ASH1L: variants seen among roughly 807,000 people sequenced by gnomAD.
ASH1L encodes the protein histone-lysine N-methyltransferase ASH1L.
ASH1L carries 23 observed loss-of-function variants against 269.0 expected under a neutral mutation model. The ratio of observed to expected loss-of-function variants is 0.09; its 90% CI spans 0.06 to 0.12. The LOEUF (loss-of-function observed/expected upper bound fraction) is 0.12, where lower values mean the gene tolerates loss of function less well. ASH1L is among the 10% of genes least tolerant of loss of function. The probability of loss-of-function intolerance (pLI) is 1.00; values close to 1 mark genes in which losing one functional copy is unlikely to be tolerated. For synonymous variants in ASH1L, 1,187 were observed against 1,253.5 expected, an observed-to-expected ratio of 0.95 and a Z score of 1.12; for missense variants, 2,912 against 3,567.8, an observed-to-expected ratio of 0.82 and a Z score of 4.68.
chr1:155,350,282 A>G (rs1316488870), intron 17 of ASH1L, among the ~76,000 whole-genome samples: 2 of 152,164 alleles, frequency 1.3e-5, no homozygotes, highest in African/African-American at 2.4e-5. Flanking sequence ...TCGGCCTCCC[A>G]AAGTGCTGGG....
At chr1:155,415,652 C>T in intron 6 of ASH1L, 92 bp downstream of exon 6, 3 of 1,418,748 alleles carry the variant, frequency 2.1e-6, no homozygotes, top group South Asian at 2.6e-5. Context: ...GCTTATGAAA[C>T]ACAAAAGAAT....
chr1:155,339,332 C>T lies in ASH1L; in HGVS notation c.8497G>A (p.Gly2833Arg). Residue 2833 changes from glycine (G) to arginine (R), a missense_variant, in exon 26 of 28, where the codon GGA (glycine) becomes AGA (arginine). Around this residue, in one of 13 missense-constraint regions of ASH1L, gnomAD observed 154 missense variants for 165.0 expected, o/e 0.93. Coordinates refer to ENST00000392403, the MANE Select transcript of ASH1L (RefSeq NM_018489.3). Reference protein sequence around the residue: ...YVPDNYKRNGGRSSWKSERSK... With the variant: ...YVPDNYKRNGRRSSWKSERSK... Reference sequence around the variant, plus strand: ...ATATCCCCCCATGGGACTTACCGTCCTCCATTCCTCTTGTAGTTGTCTGGG... The same window carrying T: ...ATATCCCCCCATGGGACTTACCGTCTTCCATTCCTCTTGTAGTTGTCTGGG... 6.2e-7 allele frequency: 1 copy of T among 1,613,542 alleles called. No homozygotes were observed. Among genetic ancestry groups the T allele is most frequent in the Non-Finnish European group, 8.5e-7 (1 of 1,179,504 alleles).
intron 3 of ASH1L, among the ~76,000 whole-genome samples, chr1:155,466,386 ACT>A (rs1348809161): frequency 2.6e-5 from 4 of 151,312 alleles, no homozygotes; most frequent in Non-Finnish European, 5.9e-5. Flanking sequence ...CAAAACAAAA[ACT>A]CTGTTTTTTT....
At chr1:155,437,707 A>C (rs1485805153) in intron 5 of ASH1L, among the ~76,000 whole-genome samples, 1 of 152,194 alleles carries the variant, frequency 6.6e-6, no homozygotes, top group Non-Finnish European at 1.5e-5. Flanking sequence ...CAATGGATGA[A>C]TGGATAAGCA....
intron 25 of ASH1L, among the ~76,000 whole-genome samples, chr1:155,340,774 T>C (rs1045290649): frequency 2.0e-5 from 3 of 148,762 alleles, no homozygotes; most frequent in Admixed American, 6.6e-5. Context: ...GCTTCTATAC[T>C]TAATTTTTTT....
chr1:155,434,123 G>C, intron 5 of ASH1L: 1 of 1,594,152 alleles, frequency 6.3e-7, no homozygotes, highest in South Asian at 1.1e-5. Context: ...CTTTCCTCTG[G>C]CCCCAGGGCC....
intron 1 of ASH1L, among the ~76,000 whole-genome samples, chr1:155,560,365 C>T (rs1671877194): frequency 6.6e-6 from 1 of 152,124 alleles, no homozygotes. Flanking sequence ...CAGAAGAATA[C>T]GGTTAAGTGG....
intron 3 of ASH1L, among the ~76,000 whole-genome samples, chr1:155,470,717 A>G (rs965511529): frequency 6.6e-6 from 1 of 151,762 alleles, no homozygotes; most frequent in African/African-American, 2.4e-5. Flanking sequence ...ATGCCTGGCT[A>G]ATTTTTGTAT....
intron 1 of ASH1L, among the ~76,000 whole-genome samples, chr1:155,529,468 T>TGTTGGCTG: frequency 6.6e-6 from 1 of 152,310 alleles, no homozygotes; most frequent in Middle Eastern, 3.4e-3. Flanking sequence ...TCCTCATGAT[T>TGTTGGCTG]GTTGGCTGCA....
Position 155,518,523 on chromosome 1 carries a change from C to G in ASH1L, c.420+2577G>C, listed in dbSNP as rs1048302270. Among the ~76,000 whole-genome samples the G allele has an allele frequency of 3.9e-5, 6 of 152,074 alleles. No individual in the cohort carries two copies. The South Asian group carries it at 1.0e-3, about 26-fold the overall frequency. ...GATTATATAAAGAACCTGGACAATTCAACAACAAAACACAATTCAAAAGTA... is the reference window on the plus strand; with the variant it reads ...GATTATATAAAGAACCTGGACAATTGAACAACAAAACACAATTCAAAAGTA... On this transcript the variant is annotated intron_variant, in intron 2 of 27. Transcript: ENST00000392403.
chr1:155,479,031 C>T lies in ASH1L; in HGVS notation c.3839G>A (p.Arg1280Gln), dbSNP rs776802029. The stretch of plus-strand genomic sequence containing the variant: ...AATAAAGTCTGGATCCTGTCTATTT[C>T]GAAGCTGGGGATATTTCTTTTTCCG... Reference protein sequence around the residue: ...RKRKKKYPQLRNRQDPDFIAE... With the variant: ...RKRKKKYPQLQNRQDPDFIAE... The change falls in exon 3 of 28, where the codon CGA (arginine) becomes CAA (glutamine). Residue 1280 changes from arginine (R) to glutamine (Q), a missense_variant. Arg to Gln is a conservative substitution (Grantham distance 43, BLOSUM62 1). Around this residue, in one of 13 missense-constraint regions of ASH1L, gnomAD observed 789 missense variants for 897.6 expected, o/e 0.88. Coordinates refer to ENST00000392403, the MANE Select transcript of ASH1L (RefSeq NM_018489.3). The T allele has an allele frequency of 3.1e-6, 5 of 1,613,708 alleles. No individual in the cohort carries two copies. Among genetic ancestry groups the T allele is most frequent in the Non-Finnish European group, 4.2e-6 (5 of 1,179,992 alleles).
At chr1:155,346,019 A>C (rs1653277315) in intron 21 of ASH1L, 4 of 452,294 alleles carry the variant, frequency 8.8e-6, no homozygotes, top group South Asian at 5.8e-5. Context: ...ATTTTAGTAG[A>C]GATGGGGTTT....
At chr1:155,386,533 G>A (rs926452411) in intron 7 of ASH1L, among the ~76,000 whole-genome samples, 8 of 148,538 alleles carry the variant, frequency 5.4e-5, no homozygotes, top group Non-Finnish European at 1.0e-4. Flanking sequence ...TTACAGGCAC[G>A]TGCCACCATG....
At chr1:155,423,561 C>A (rs919021846) in intron 5 of ASH1L, among the ~76,000 whole-genome samples, 1 of 152,058 alleles carries the variant, frequency 6.6e-6, no homozygotes, top group Non-Finnish European at 1.5e-5. Flanking sequence ...GAGCAAGACT[C>A]TGTCTCAAAA....
chr1:155,386,547 A>G (rs1657444843), intron 7 of ASH1L, among the ~76,000 whole-genome samples: 1 of 114,446 alleles, frequency 8.7e-6, no homozygotes. Context: ...CACCATGCCC[A>G]GCTAATTTTT....
chr1:155,551,282 G>T (rs1253184123), intron 1 of ASH1L, among the ~76,000 whole-genome samples: 2 of 151,724 alleles, frequency 1.3e-5, no homozygotes, highest in Non-Finnish European at 2.9e-5. Flanking sequence ...TCCTCGGGGG[G>T]GAAAAATTTT....
chr1:155,347,370 A>G (rs1653447348), intron 20 of ASH1L, among the ~76,000 whole-genome samples: 2 of 152,170 alleles, frequency 1.3e-5, no homozygotes, highest in African/African-American at 4.8e-5. Flanking sequence ...TCGTGCCACC[A>G]CACTCCAGTG....
chr1:155,543,776 T>C (rs1670609279), intron 1 of ASH1L, among the ~76,000 whole-genome samples: 1 of 151,366 alleles, frequency 6.6e-6, no homozygotes, highest in Non-Finnish European at 1.5e-5. Flanking sequence ...TACAAAAAAT[T>C]TAAAAATTAG....
At chr1:155,551,637 G>A (rs548348734) in intron 1 of ASH1L, among the ~76,000 whole-genome samples, 212 of 140,976 alleles carry the variant, frequency 1.5e-3, no homozygotes, top group Non-Finnish European at 2.9e-3. Context: ...TCCAGCCTGG[G>A]CGACAGAGCG....
Sources: gnomAD v4.1 joint callset for allele counts (sites outside exome capture counted in the v4.1 genomes callset) on GRCh38, gnomAD v4.1.1 for gene constraint, gnomAD v4.1.1 regional missense constraint, MANE v1.5 for transcripts, NCBI Gene and HGNC (gene_info 2026-07-23, HGNC 2026-07-21) for gene names.